ATP7A: variants seen among roughly 807,000 people sequenced by gnomAD.
ATP7A encodes the protein ATPase copper transporting alpha, also known as copper-transporting ATPase 1.
Under a neutral mutation model 83.5 loss-of-function variants are expected in ATP7A, and 7 were observed. The ratio of observed to expected loss-of-function variants is 0.08; its 90% CI spans 0.05 to 0.16. The LOEUF (loss-of-function observed/expected upper bound fraction) is 0.16. Ranked by LOEUF, ATP7A falls within the 10% of genes least tolerant of loss-of-function variation. The probability of loss-of-function intolerance (pLI) is 1.00; values close to 1 mark genes in which losing one functional copy is unlikely to be tolerated. For missense variants in ATP7A, 940 were observed against 1,120.8 expected (o/e 0.84, Z 2.30); for synonymous variants, 354 against 395.2 (o/e 0.90, Z 1.24).
In ATP7A at chrX:78,047,947, T is replaced by A. The variant is rs2078092678; in HGVS notation, c.*1377T>A. On this transcript the variant is annotated 3_prime_UTR_variant, in exon 23 of 23. Coordinates refer to ENST00000341514, the MANE Select transcript of ATP7A (RefSeq NM_000052.7). ...TTAATAGATTTTATTTATCTTTTAG[T>A]GTTTCAGATAACCTCTCAAAAAGAC... The A allele has an allele frequency of 8.9e-6, 1 of 112,230 alleles. No homozygotes were observed. The highest frequency in any genetic ancestry group is 9.5e-5 in the Admixed American group (1 of 10,529). 9.2% of individuals were successfully genotyped at this position (112,230 alleles called of 1,213,427 possible). A position where few individuals can be genotyped will look rare whatever the true frequency, so the allele number is the denominator to read the frequency against.
In ATP7A at chrX:78,045,644, A is replaced by T. The variant is rs2078078596; in HGVS notation, c.4226+72A>T. The T allele has an allele frequency of 2.0e-5, 19 of 941,679 alleles. No individual in the cohort carries two copies. The South Asian group carries it at 3.5e-4, about 18-fold the overall frequency. The allele number at this position is 941,679 out of a possible 1,213,427, so 77.6% of individuals were successfully genotyped here. A position where few individuals can be genotyped will look rare whatever the true frequency, so the allele number is the denominator to read the frequency against. On this transcript the variant is annotated intron_variant, in intron 22 of 22. Transcript: ENST00000341514. ...CATCTAGTCATTCTTGGTAGGTTTT[A>T]TTCTTGTATTGATCAATGATAAGCC... is the stretch of plus-strand genomic sequence containing the variant.
Position 78,020,042 on chromosome X carries a change from C to T in ATP7A, c.2627-202C>T, listed in dbSNP as rs150538110. Among the ~76,000 whole-genome samples, 494 of 112,426 alleles carry T rather than the reference C, an allele frequency of 4.4e-3. 2 individuals carry two copies. Among genetic ancestry groups the T allele is most frequent in the African/African-American group, 0.015 (464 of 30,949 alleles). On this transcript the variant is annotated intron_variant, in intron 12 of 22. Transcript: ENST00000341514. ...AAAAGTATCTGCCAACAAGAGCTAC[C>T]ATACAGGTTTTTCCAGTTCAAGGTT... is the stretch of plus-strand genomic sequence containing the variant.
At chrX:77,988,946 T>A (rs1196326879) in intron 3 of ATP7A, among the ~76,000 whole-genome samples, 1 of 111,350 alleles carries the variant, frequency 9.0e-6, no homozygotes, top group Non-Finnish European at 1.9e-5. Context: ...GGGTTGGCAA[T>A]TCATGGAATT....
chrX:77,936,937 A>T (rs2077322980), intron 1 of ATP7A, among the ~76,000 whole-genome samples: 1 of 112,439 alleles, frequency 8.9e-6, no homozygotes, highest in Non-Finnish European at 1.9e-5. Context: ...GCCCAGCTGC[A>T]AATCACATTT....
intron 1 of ATP7A, among the ~76,000 whole-genome samples, chrX:77,930,391 C>A (rs2077264876): frequency 9.0e-6 from 1 of 111,627 alleles, no homozygotes; most frequent in Non-Finnish European, 1.9e-5. Context: ...GTGGTCAGCC[C>A]CTTCCCCACA....
chrX:78,011,394 T>C lies in ATP7A; in HGVS notation c.1947-55T>C, dbSNP rs188954998. Reference sequence around the variant, plus strand: ...ATCTCTCTGTAGTATGTAGAATCTTTACCCATTAGCTATTTATGACCATGA... The same window carrying C: ...ATCTCTCTGTAGTATGTAGAATCTTCACCCATTAGCTATTTATGACCATGA... On this transcript the variant is annotated intron_variant, in intron 8 of 22. Coordinates refer to ENST00000341514, the MANE Select transcript of ATP7A (RefSeq NM_000052.7). 56 of 1,085,043 alleles carry C rather than the reference T, an allele frequency of 5.2e-5. No individual in the cohort carries two copies. The Middle Eastern group carries it at 1.3e-3, about 25-fold the overall frequency. The allele number at this position is 1,085,043 out of a possible 1,213,427, so 89.4% of individuals were successfully genotyped here. A position where few individuals can be genotyped will look rare whatever the true frequency, so the allele number is the denominator to read the frequency against.
intron 1 of ATP7A, among the ~76,000 whole-genome samples, chrX:77,929,715 G>A (rs1272977117): frequency 9.5e-6 from 1 of 104,884 alleles, no homozygotes; most frequent in Non-Finnish European, 1.9e-5. Context: ...CAATCCTCCC[G>A]CTTTGGCCTC....
chrX:77,958,817 C>T (rs1349833111), intron 1 of ATP7A, among the ~76,000 whole-genome samples: 2 of 84,690 alleles, frequency 2.4e-5, no homozygotes, highest in East Asian at 3.9e-4. Flanking sequence ...GAGACAGAGT[C>T]TCACTCTGTC....
intron 1 of ATP7A, among the ~76,000 whole-genome samples, chrX:77,920,655 A>C (rs1052485515): frequency 9.0e-6 from 1 of 111,031 alleles, no homozygotes; most frequent in Non-Finnish European, 1.9e-5. Flanking sequence ...TCTTTTTTTA[A>C]TGGCTGCATA....
Position 78,042,938 on chromosome X carries a change from A to G in ATP7A, c.4005+150A>G, listed in dbSNP as rs2078059331. On this transcript the variant is annotated intron_variant, in intron 20 of 22. Coordinates refer to ENST00000341514, the MANE Select transcript of ATP7A (RefSeq NM_000052.7). ...TAAGAATATGGAGTGGGATTATGGG[A>G]AGTCATGCTAATTTACCCCCTGACT... is the stretch of plus-strand genomic sequence containing the variant. 4.3e-6 allele frequency: 3 copies of G among 697,360 alleles called. No homozygotes were observed. The Admixed American group carries it at 7.8e-5, about 18-fold the overall frequency. 57.5% of individuals were successfully genotyped at this position (697,360 alleles called of 1,213,427 possible).
chrX:78,010,659 A>C (rs2077814803), intron 7 of ATP7A, among the ~76,000 whole-genome samples: 1 of 92,562 alleles, frequency 1.1e-5, no homozygotes, highest in African/African-American at 4.2e-5. Flanking sequence ...AGCTCACTGC[A>C]ACCTCCGCCT....
chrX:78,009,102 G>A lies in ATP7A; in HGVS notation c.1708G>A (p.Val570Met). The A allele has an allele frequency of 1.7e-6, 2 of 1,210,081 alleles. No individual in the cohort carries two copies. Among genetic ancestry groups the A allele is most frequent in the East Asian group, 5.9e-5 (2 of 33,835 alleles). Residue 570 changes from valine to methionine, a missense_variant and splice_region_variant, in exon 7 of 23, where the codon GTG becomes ATG. Around this residue, in one of 3 missense-constraint regions of ATP7A, gnomAD observed 350 missense variants for 432.8 expected, o/e 0.81. Coordinates refer to ENST00000341514, the MANE Select transcript of ATP7A (RefSeq NM_000052.7). ...DEGDGVLELVVRGMTCASCVH... is the reference protein window; with the variant it reads ...DEGDGVLELVMRGMTCASCVH... ...AGAACAAATGCTTTGTCTTTAACAG[G>A]TGAGGGGAATGACGTGTGCCTCCTG...
intron 1 of ATP7A, among the ~76,000 whole-genome samples, chrX:77,929,821 C>G (rs2077262167): frequency 9.1e-6 from 1 of 110,359 alleles, no homozygotes; most frequent in Non-Finnish European, 1.9e-5. Context: ...CACCCACTAC[C>G]AGAATCATCT....
intron 1 of ATP7A, among the ~76,000 whole-genome samples, chrX:77,942,522 T>C (rs1183274843): frequency 9.3e-6 from 1 of 108,071 alleles, no homozygotes; most frequent in Non-Finnish European, 1.9e-5. Flanking sequence ...GAGCATGGCT[T>C]ACTGCAGCCT....
intron 18 of ATP7A, 82 bp from the exon 19 acceptor site, chrX:78,040,509 T>A (rs1557238236): frequency 8.8e-7 from 1 of 1,133,319 alleles, no homozygotes; most frequent in Non-Finnish European, 1.2e-6. Context: ...AAAATTCATT[T>A]CATTCTGAAA....
chrX:78,001,247 T>G (rs1299436046), intron 5 of ATP7A, among the ~76,000 whole-genome samples: 1 of 111,645 alleles, frequency 9.0e-6, no homozygotes, highest in Non-Finnish European at 1.9e-5. Context: ...GCACTTTATA[T>G]AGAAAAATTA....
At chrX:77,978,371 A>G (rs782585709) in intron 2 of ATP7A, among the ~76,000 whole-genome samples, 32 of 111,473 alleles carry the variant, frequency 2.9e-4, no homozygotes, top group African/African-American at 1.0e-3. Context: ...TCATGGGGCC[A>G]ACTCACTAAG....
chrX:78,007,442 C>T (rs1569549810), intron 6 of ATP7A, among the ~76,000 whole-genome samples: 1 of 111,498 alleles, frequency 9.0e-6, no homozygotes, highest in African/African-American at 3.3e-5. Flanking sequence ...TCTCCTGCCT[C>T]AGCCTACCGA....
intron 17 of ATP7A, among the ~76,000 whole-genome samples, chrX:78,037,349 A>G (rs942153163): frequency 2.7e-5 from 3 of 112,431 alleles, no homozygotes; most frequent in African/African-American, 6.5e-5. Flanking sequence ...TTTAAAATTC[A>G]TCTTTCAGTC....
Sources: gnomAD v4.1 joint callset for allele counts (sites outside exome capture counted in the v4.1 genomes callset) on GRCh38, gnomAD v4.1.1 for gene constraint, gnomAD v4.1.1 regional missense constraint, MANE v1.5 for transcripts, NCBI Gene and HGNC (gene_info 2026-07-23, HGNC 2026-07-21) for gene names.